Variants in TEX36 observed in about 807,000 individuals in gnomAD.
TEX36 encodes testis-expressed protein 36.
Under a neutral mutation model 13.6 loss-of-function variants are expected in TEX36, and 12 were observed. The observed-to-expected ratio is 0.88, with a 90% CI of 0.56 to 1.43. TEX36 has a LOEUF of 1.43. TEX36 is among the 40% of genes most tolerant of loss of function. The pLI is 0.00. For synonymous variants in TEX36, 93 were observed against 83.0 expected (o/e 1.12, Z -0.65); for missense variants, 224 against 228.3 (o/e 0.98, Z 0.12).
intron 3 of TEX36, among the ~76,000 whole-genome samples, chr10:125,631,653 C>A (rs948296107): frequency 3.9e-5 from 6 of 152,148 alleles, no homozygotes; most frequent in Admixed American, 1.3e-4. Flanking sequence ...GACAGGTGAA[C>A]AGGATTTTTT....
chr10:125,652,310 C>CA (rs1846874022), downstream of TEX36, among the ~76,000 whole-genome samples: 2 of 152,104 alleles, frequency 1.3e-5, 1 homozygote, highest in South Asian at 4.1e-4. Flanking sequence ...TGGAACAGAA[C>CA]AGAGCCCTCG....
At chr10:125,587,461 A>T (rs2133528822) in intron 3 of TEX36, among the ~76,000 whole-genome samples, 1 of 152,344 alleles carries the variant, frequency 6.6e-6, no homozygotes, top group Non-Finnish European at 1.5e-5. Context: ...TCACTCCTGG[A>T]AACAATCAAT....
At chr10:125,593,621 T>C (rs756840376) in intron 3 of TEX36, among the ~76,000 whole-genome samples, 1 of 152,228 alleles carries the variant, frequency 6.6e-6, no homozygotes, top group African/African-American at 2.4e-5. Context: ...TAGCTCTTAT[T>C]AAATGTTCAA....
downstream of TEX36, among the ~76,000 whole-genome samples, chr10:125,616,856 C>T (rs1296839818): frequency 3.1e-3 from 454 of 147,368 alleles, 2 homozygotes; most frequent in Non-Finnish European, 4.1e-3. Context: ...CTTTCTGTCT[C>T]GTTGATCTGT....
intron 3 of TEX36, among the ~76,000 whole-genome samples, chr10:125,596,912 A>G (rs998417687): frequency 1.3e-5 from 2 of 152,232 alleles, no homozygotes; most frequent in Non-Finnish European, 2.9e-5. Flanking sequence ...GTAAATTTGT[A>G]ATCTCTCCTG....
In TEX36 at chr10:125,615,883, C is replaced by G. The variant is rs560773864; in HGVS notation, c.265-39009G>C. ...GTACCAGTTCCCCCTGGTACCTCTG[C>G]TAGAATTCGGCTGTGAATCCATCTG... On this transcript the variant is annotated intron_variant, in intron 3 of 3. Transcript: ENST00000532135. 2.6e-5 allele frequency among the ~76,000 whole-genome samples: 4 copies of G among 152,238 alleles called. No homozygotes were observed. In the East Asian group the frequency reaches 7.7e-4, roughly 29 times the overall value.
chr10:125,664,701 G>C (rs1286420762), intron 1 of TEX36, among the ~76,000 whole-genome samples: 1 of 152,082 alleles, frequency 6.6e-6, no homozygotes, highest in Non-Finnish European at 1.5e-5. Context: ...AGTTTCCTGA[G>C]GCCTCCCCAG....
intron 3 of TEX36, among the ~76,000 whole-genome samples, chr10:125,609,828 G>A (rs1846268764): frequency 6.6e-6 from 1 of 152,166 alleles, no homozygotes; most frequent in South Asian, 2.1e-4. Context: ...ATTTAGTATG[G>A]GGTTATATTC....
intron 1 of TEX36, among the ~76,000 whole-genome samples, chr10:125,665,565 T>C (rs1847108621): frequency 6.6e-6 from 1 of 152,196 alleles, no homozygotes; most frequent in Non-Finnish European, 1.5e-5. Flanking sequence ...GGTTCTCTAT[T>C]CTGTTCCATT....
At chr10:125,634,934 GTGCTCAGGGC>G (rs1746474309) in intron 3 of TEX36, among the ~76,000 whole-genome samples, 1 of 152,218 alleles carries the variant, frequency 6.6e-6, no homozygotes, top group Non-Finnish European at 1.5e-5. Flanking sequence ...CAAGTGGGCT[GTGCTCAGGGC>G]TGTGAGGGAG....
At chr10:125,612,771 G>A (rs60460357) in intron 3 of TEX36, among the ~76,000 whole-genome samples, 21 of 149,900 alleles carry the variant, frequency 1.4e-4, no homozygotes, top group African/African-American at 4.9e-4. Flanking sequence ...TATCACATCC[G>A]CTAAAACTTC....
chr10:125,644,325 G>T (rs1419765276), intron 3 of TEX36, among the ~76,000 whole-genome samples: 2 of 152,054 alleles, frequency 1.3e-5, no homozygotes, highest in East Asian at 3.8e-4. Flanking sequence ...ATAGAGCCAG[G>T]TATTTAAGTA....
At chr10:125,635,444 G>C (rs1846611352) in intron 3 of TEX36, among the ~76,000 whole-genome samples, 1 of 152,180 alleles carries the variant, frequency 6.6e-6, no homozygotes, top group African/African-American at 2.4e-5. Flanking sequence ...ACTGAGTTGG[G>C]CACCAAAGCT....
chr10:125,636,690 C>G (rs1258013195), intron 3 of TEX36, among the ~76,000 whole-genome samples: 2 of 152,154 alleles, frequency 1.3e-5, no homozygotes, highest in African/African-American at 4.8e-5. Flanking sequence ...GGCCGGTCCC[C>G]GAACCCACTC....
intron 3 of TEX36, among the ~76,000 whole-genome samples, chr10:125,593,228 T>G (rs1234219025): frequency 6.6e-6 from 1 of 152,240 alleles, no homozygotes. Context: ...CACTTGCTAC[T>G]TTGGGGATTC....
At chr10:125,677,720 T>C (rs1296418769) in intron 1 of TEX36, among the ~76,000 whole-genome samples, 1 of 152,182 alleles carries the variant, frequency 6.6e-6, no homozygotes, top group Non-Finnish European at 1.5e-5. Context: ...CTCACTCTAT[T>C]GCCGAGGCTG....
intron 3 of TEX36, among the ~76,000 whole-genome samples, chr10:125,585,560 C>T (rs189426484): frequency 6.6e-6 from 1 of 152,322 alleles, no homozygotes; most frequent in African/African-American, 2.4e-5. Flanking sequence ...ATGGGAAGGT[C>T]ACTCTGATCT....
chr10:125,628,246 C>T (rs1846510556), intron 3 of TEX36, among the ~76,000 whole-genome samples: 2 of 152,208 alleles, frequency 1.3e-5, no homozygotes, highest in Admixed American at 6.5e-5. Flanking sequence ...ACTGCATTAG[C>T]TGTGCCCACT....
intron 3 of TEX36, among the ~76,000 whole-genome samples, chr10:125,609,179 A>C (rs1259840460): frequency 4.0e-5 from 6 of 151,610 alleles, no homozygotes; most frequent in Non-Finnish European, 5.9e-5. Flanking sequence ...CAAAAAAAAA[A>C]AAACTTTTAA....
Sources: gnomAD v4.1 joint callset for allele counts (sites outside exome capture counted in the v4.1 genomes callset) on GRCh38, gnomAD v4.1.1 for gene constraint, MANE v1.5 for transcripts, NCBI Gene and HGNC (gene_info 2026-07-23, HGNC 2026-07-21) for gene names.